Variants in ROBO1 observed in about 807,000 individuals in gnomAD.
ROBO1 encodes the protein roundabout homolog 1.
In ROBO1, 149 loss-of-function variants were observed where a neutral mutation model predicts 195.9. The observed-to-expected ratio is 0.76, with a 90% confidence interval of 0.67 to 0.87. The LOEUF (loss-of-function observed/expected upper bound fraction) is 0.87, where lower values mean the gene tolerates loss of function less well. ROBO1 is among the 40% of genes least tolerant of loss of function. The probability of loss-of-function intolerance (pLI) is 0.00; values close to 1 mark genes in which losing one functional copy is unlikely to be tolerated. For synonymous variants in ROBO1, 816 were observed against 733.2 expected, an observed-to-expected ratio of 1.11 and a Z score of -1.82; for missense variants, 1,933 against 2,068.3, an observed-to-expected ratio of 0.93 and a Z score of 1.27.
At chr3:78,654,470 G>A (rs986435551) in intron 18 of ROBO1, among the ~76,000 whole-genome samples, 3 of 152,132 alleles carry the variant, frequency 2.0e-5, no homozygotes, top group African/African-American at 7.2e-5. Flanking sequence ...AGTTCACCGA[G>A]CAGACCTATT....
chr3:79,616,872 A>G (rs1482980054), intron 1 of ROBO1, among the ~76,000 whole-genome samples: 1 of 152,076 alleles, frequency 6.6e-6, no homozygotes, highest in South Asian at 2.1e-4. Context: ...GTCCCACTCC[A>G]TATGTGGAGC....
chr3:79,449,456 T>C (rs2039374354), intron 2 of ROBO1, among the ~76,000 whole-genome samples: 1 of 151,574 alleles, frequency 6.6e-6, no homozygotes, highest in Non-Finnish European at 1.5e-5. Context: ...CAGGAGCTTA[T>C]TAAAAAAGAA....
intron 1 of ROBO1, among the ~76,000 whole-genome samples, chr3:79,645,393 T>G (rs2106702520): frequency 6.6e-6 from 1 of 152,104 alleles, no homozygotes; most frequent in African/African-American, 2.4e-5. Context: ...TCCAAGTTAC[T>G]CAGGAGGCTG....
chr3:79,476,610 T>C (rs1009453582), intron 2 of ROBO1, among the ~76,000 whole-genome samples: 1 of 152,060 alleles, frequency 6.6e-6, no homozygotes, highest in Non-Finnish European at 1.5e-5. Context: ...ATGGCATTTG[T>C]AGCAACCTGG....
intron 2 of ROBO1, among the ~76,000 whole-genome samples, chr3:79,369,967 A>T (rs2036129872): frequency 6.6e-6 from 1 of 152,202 alleles, no homozygotes. Flanking sequence ...TAACCCTGCC[A>T]TGCTTAATAT....
Position 78,668,253 on chromosome 3 carries a change from G to T in ROBO1, c.1680C>A (p.Ile560=). Residue 560 remains isoleucine, a synonymous_variant, in exon 13 of 31, where the codon ATC becomes ATA. Transcript: ENST00000464233. ...CTTCAGGTTTTGATGGGGCACTAGGGATTAAATTTGGGTCAGTAGGTCTTG... is the reference window on the plus strand; with the variant it reads ...CTTCAGGTTTTGATGGGGCACTAGGTATTAAATTTGGGTCAGTAGGTCTTG... ...QPPRPTDPNL[I]PSAPSKPEVT... 6.2e-7 allele frequency: 1 copy of T among 1,613,840 alleles called. No individual in the cohort carries two copies. Among genetic ancestry groups the T allele is most frequent in the Non-Finnish European group, 8.5e-7 (1 of 1,179,804 alleles).
intron 2 of ROBO1, among the ~76,000 whole-genome samples, chr3:79,255,160 T>C (rs2082807257): frequency 6.6e-6 from 1 of 152,060 alleles, no homozygotes; most frequent in Non-Finnish European, 1.5e-5. Flanking sequence ...AAATCAACCC[T>C]AGGCAGCATA....
chr3:78,743,556 C>T (rs775839784), intron 5 of ROBO1, among the ~76,000 whole-genome samples: 6 of 152,156 alleles, frequency 3.9e-5, no homozygotes, highest in Admixed American at 6.6e-5. Context: ...TTAAATAACA[C>T]GTAAGAACTG....
chr3:79,562,563 A>G (rs1305186428), intron 2 of ROBO1, among the ~76,000 whole-genome samples: 1 of 152,080 alleles, frequency 6.6e-6, no homozygotes, highest in Non-Finnish European at 1.5e-5. Flanking sequence ...AAATGTGCCC[A>G]AGAGAATGAA....
At chr3:79,444,568 A>G (rs1404018845) in intron 2 of ROBO1, among the ~76,000 whole-genome samples, 2 of 152,152 alleles carry the variant, frequency 1.3e-5, no homozygotes, top group African/African-American at 4.8e-5. Flanking sequence ...GGAATTGAAC[A>G]TTCATATGTC....
chr3:79,196,836 T>C (rs1470973636), intron 2 of ROBO1, among the ~76,000 whole-genome samples: 1 of 151,776 alleles, frequency 6.6e-6, no homozygotes, highest in Non-Finnish European at 1.5e-5. Context: ...ATGTGATATC[T>C]GGATAGAAAA....
chr3:78,884,653 AAGGAAGGAAGGAAGGAAGG>A lies in ROBO1; in HGVS notation c.499+53929_499+53947del, dbSNP rs1559961853. On this transcript the variant is annotated intron_variant, in intron 4 of 30. Coordinates refer to ENST00000464233, the MANE Select transcript of ROBO1 (RefSeq NM_002941.4). ...AGAAAGAGAAAGAAAGAAAGAAAGG[AAGGAAGGAAGGAAGGAAGG>A]AAGGAAGGAAGGAAGGAAGGAAGGA... Among the ~76,000 whole-genome samples the A allele has an allele frequency of 1.1e-3, 100 of 95,204 alleles. 2 individuals carry two copies. The highest frequency in any genetic ancestry group is 2.4e-3 in the African/African-American group (53 of 22,026). 62.5% of individuals were successfully genotyped at this position (95,204 alleles called of 152,430 possible).
chr3:78,960,969 C>T (rs566344486), intron 3 of ROBO1, among the ~76,000 whole-genome samples: 6 of 152,072 alleles, frequency 3.9e-5, no homozygotes, highest in Non-Finnish European at 8.8e-5. Context: ...TCACCCTAAT[C>T]GTTGCAATAC....
intron 2 of ROBO1, among the ~76,000 whole-genome samples, chr3:79,185,202 A>T (rs887066524): frequency 6.6e-6 from 1 of 152,166 alleles, no homozygotes; most frequent in African/African-American, 2.4e-5. Context: ...GAAGGGAAAG[A>T]TCTTTTTGGT....
intron 2 of ROBO1, among the ~76,000 whole-genome samples, chr3:79,361,964 T>C (rs546162972): frequency 6.6e-6 from 1 of 152,096 alleles, no homozygotes; most frequent in Non-Finnish European, 1.5e-5. Flanking sequence ...TAGTGCCATC[T>C]AGTGGCAAAA....
chr3:79,061,855 T>G (rs2078924238), intron 3 of ROBO1, among the ~76,000 whole-genome samples: 1 of 151,306 alleles, frequency 6.6e-6, no homozygotes, highest in Non-Finnish European at 1.5e-5. Flanking sequence ...TAATTCAAGA[T>G]GGATTAAAGA....
chr3:79,277,754 C>T (rs1387163027), intron 2 of ROBO1, among the ~76,000 whole-genome samples: 8 of 150,830 alleles, frequency 5.3e-5, no homozygotes. Flanking sequence ...TATACAACTA[C>T]TATGTATGCA....
chr3:78,659,918 C>CTTT (rs76880412), intron 16 of ROBO1, 111 bp from the exon 17 acceptor site: 217 of 405,952 alleles, frequency 5.3e-4, no homozygotes, highest in South Asian at 8.8e-4. Context: ...TCAATATATG[C>CTTT]TTTTTTTTTT....
At chr3:79,685,159 C>G (rs1472697875) in intron 1 of ROBO1, among the ~76,000 whole-genome samples, 1 of 152,150 alleles carries the variant, frequency 6.6e-6, no homozygotes, top group Non-Finnish European at 1.5e-5. Flanking sequence ...ACTCAATTCA[C>G]TTAATGATCA....
Sources: gnomAD v4.1 joint callset for allele counts (sites outside exome capture counted in the v4.1 genomes callset) on GRCh38, gnomAD v4.1.1 for gene constraint, MANE v1.5 for transcripts, NCBI Gene and HGNC (gene_info 2026-07-23, HGNC 2026-07-21) for gene names.